RSRP1: variants seen among roughly 807,000 people sequenced by gnomAD.
RSRP1 encodes the protein arginine and serine rich protein 1.
Under a neutral mutation model 33.0 loss-of-function variants are expected in RSRP1, and 37 were observed. That is an observed-to-expected ratio of 1.12 (90% CI 0.86 to 1.48). The LOEUF is 1.48. Among genes scored for constraint, RSRP1 ranks in the 40% most tolerant of loss-of-function variants. The pLI, the probability that RSRP1 is intolerant of heterozygous loss-of-function variation, is 0.00. For missense variants in RSRP1, 402 were observed against 385.3 expected (o/e 1.04, Z -0.36); for synonymous variants, 167 against 158.7 (o/e 1.05, Z -0.40).
intron 1 of RSRP1, chr1:25,294,675 G>C (rs1324371923): frequency 2.9e-6 from 2 of 684,784 alleles, no homozygotes; most frequent in Admixed American, 4.1e-5. Context: ...TCATCTTAAC[G>C]AGAGAAATGG....
rs1344418944 is a variant in RSRP1, at chr1:25,284,895, C to T, written c.-66-37866G>A. The T allele has an allele frequency of 2.6e-5, 28 of 1,066,356 alleles. 1 individual carries two copies. In the East Asian group the frequency reaches 6.4e-4, roughly 24 times the overall value. 66.1% of individuals were successfully genotyped at this position (1,066,356 alleles called of 1,614,324 possible). On this transcript the variant is annotated intron_variant, in intron 1 of 1. Coordinates refer to the RSRP1 transcript ENST00000561867. ...GTGCAATATTTAGGACATCCTTATA[C>T]TAAAAGATTATTCATTGTTTAAAAT...
At chr1:25,251,892 A>G (rs928586388), upstream of RSRP1, among the ~76,000 whole-genome samples, 1 of 141,186 alleles carries the variant, frequency 7.1e-6, no homozygotes, top group African/African-American at 2.6e-5. Context: ...CCACATATAG[A>G]TTTTTTTTTT....
At chr1:25,285,234 A>G (rs1641869789) in intron 1 of RSRP1, among the ~76,000 whole-genome samples, 2 of 132,382 alleles carry the variant, frequency 1.5e-5, no homozygotes, top group Non-Finnish European at 3.5e-5. Context: ...TTCTGGGTTC[A>G]AGCGATTCTC....
intron 1 of RSRP1, among the ~76,000 whole-genome samples, chr1:25,261,315 G>A (rs1485423246): frequency 6.6e-6 from 1 of 152,112 alleles, no homozygotes; most frequent in Non-Finnish European, 1.5e-5. Flanking sequence ...CGTGATTACT[G>A]TCCTTATGCA....
intron 1 of RSRP1, among the ~76,000 whole-genome samples, chr1:25,257,864 G>C (rs1639995346): frequency 6.6e-6 from 1 of 152,038 alleles, no homozygotes; most frequent in East Asian, 1.9e-4. Context: ...GCCCACCTCA[G>C]TCTCCCAAAG....
intron 1 of RSRP1, among the ~76,000 whole-genome samples, chr1:25,313,815 C>T (rs1465998681): frequency 7.5e-6 from 1 of 132,548 alleles, no homozygotes; most frequent in African/African-American, 2.6e-5. Flanking sequence ...TATGAGTTTC[C>T]TATGCCTGAG....
chr1:25,291,205 A>G lies in RSRP1; in HGVS notation c.-66-44176T>C, dbSNP rs1642476130. 2.3e-5 allele frequency among the ~76,000 whole-genome samples: 3 copies of G among 129,218 alleles called. 1 individual carries two copies. The South Asian group carries it at 7.1e-4, about 31-fold the overall frequency. 84.8% of individuals were successfully genotyped at this position (129,218 alleles called of 152,430 possible). On this transcript the variant is annotated intron_variant, in intron 1 of 1. Transcript: ENST00000561867. ...ACAGACAGGCTGGGTACAGTGGCTC[A>G]CACCTGTAATCCCAGCACTTTGGGA...
chr1:25,320,900 T>C (rs1644661812), intron 1 of RSRP1, among the ~76,000 whole-genome samples: 1 of 130,282 alleles, frequency 7.7e-6, no homozygotes. Context: ...AAAACTGAGC[T>C]GGATATGGTA....
intron 1 of RSRP1, chr1:25,254,075 G>A (rs983791064): frequency 1.3e-5 from 2 of 152,326 alleles, no homozygotes; most frequent in African/African-American, 4.8e-5. Flanking sequence ...CACCAGTAAA[G>A]CATTCAAGGC....
chr1:25,246,774 A>G lies in RSRP1; in HGVS notation c.190T>C (p.Ser64Pro). The change falls in exon 2 of 5, where the codon TCC becomes CCC. Residue 64 changes from serine to proline, a missense_variant. Ser to Pro is a moderately conservative substitution (Grantham distance 74). Transcript: ENST00000243189. ...SSRSRRSKSR[S>P]RSRRRHQRKY... ...CGCTGGTGGCGCCTTCGGGAACGGG[A>G]CCTGGACTTGCTCCTCCGACTCCTG... 6.2e-7 allele frequency: 1 copy of G among 1,612,892 alleles called. No individual in the cohort carries two copies. Among genetic ancestry groups the G allele is most frequent in the Non-Finnish European group, 8.5e-7 (1 of 1,179,372 alleles).
chr1:25,244,027 G>A, intron 3 of RSRP1: 1 of 1,188,836 alleles, frequency 8.4e-7, no homozygotes, highest in South Asian at 1.6e-5. Flanking sequence ...CCCACATCTG[G>A]GCCCAATTAC....
intron 1 of RSRP1, among the ~76,000 whole-genome samples, chr1:25,313,011 TG>T (rs1644251961): frequency 8.8e-6 from 1 of 113,770 alleles, no homozygotes; most frequent in South Asian, 3.0e-4. Flanking sequence ...TTTTGGGGGC[TG>T]GGGCAGGATG....
intron 1 of RSRP1, among the ~76,000 whole-genome samples, chr1:25,289,522 A>G (rs1258447950): frequency 2.3e-5 from 3 of 131,346 alleles, no homozygotes; most frequent in Non-Finnish European, 5.4e-5. Flanking sequence ...AAAAGAGGTG[A>G]TGCTGTTACA....
At chr1:25,260,200 T>C (rs1316918880) in intron 1 of RSRP1, among the ~76,000 whole-genome samples, 2 of 152,360 alleles carry the variant, frequency 1.3e-5, no homozygotes, top group South Asian at 2.1e-4. Context: ...ATGGGGAATC[T>C]TGTTTTGCCA....
upstream of RSRP1, among the ~76,000 whole-genome samples, chr1:25,250,919 G>A (rs555180326): frequency 6.6e-6 from 1 of 152,144 alleles, no homozygotes; most frequent in Non-Finnish European, 1.5e-5. Flanking sequence ...TGAGGCAAGA[G>A]AATCACTTGA....
In RSRP1 at chr1:25,242,273, TA is replaced by T. The variant is rs1199059642; in HGVS notation, c.*315del. 5.9e-6 allele frequency: 1 copy of T among 168,812 alleles called. No homozygotes were observed. Among genetic ancestry groups the T allele is most frequent in the Non-Finnish European group, 1.3e-5 (1 of 78,896 alleles). The allele number at this position is 168,812 out of a possible 1,614,324, so 10.5% of individuals were successfully genotyped here. On this transcript the variant is annotated 3_prime_UTR_variant, in exon 5 of 5. Transcript: ENST00000243189. The stretch of plus-strand genomic sequence containing the variant: ...CTAAGAATGAAAACAAGAAATTTAT[TA>T]AATATACAAAACAGGAATACAGTTC...
At position 25,311,993 on chromosome 1, in the gene RSRP1, T is replaced by C. The variant is rs540566388; in HGVS notation, c.-67+25985A>G. 2.5e-5 allele frequency among the ~76,000 whole-genome samples: 3 copies of C among 121,476 alleles called. 1 individual carries two copies. The highest frequency in any genetic ancestry group is 2.0e-4 in the East Asian group (1 of 4,990). 79.7% of individuals were successfully genotyped at this position (121,476 alleles called of 152,430 possible). A position where few individuals can be genotyped will look rare whatever the true frequency, so the allele number is the denominator to read the frequency against. On this transcript the variant is annotated intron_variant, in intron 1 of 1. Transcript: ENST00000561867. ...GGCCACCGCCAAGACCCCAGAATGG[T>C]AGAGCTATCATAGTGCAATGCCAGC...
chr1:25,287,065 C>T (rs1296007710), intron 1 of RSRP1, among the ~76,000 whole-genome samples: 4 of 135,160 alleles, frequency 3.0e-5, no homozygotes, highest in African/African-American at 5.1e-5. Context: ...TGCACTGTAG[C>T]CTGGGCGACA....
At chr1:25,336,968 C>T (rs2986162) in intron 1 of RSRP1, 12 of 152,264 alleles carry the variant, frequency 7.9e-5, no homozygotes, top group Admixed American at 2.0e-4. Flanking sequence ...GGTTCCCATC[C>T]CACTCATATA....
Sources: allele counts gnomAD v4.1 joint callset (sites outside exome capture counted in the v4.1 genomes callset), GRCh38; gene constraint gnomAD v4.1.1; transcripts MANE v1.5; gene names NCBI Gene and HGNC (gene_info 2026-07-23, HGNC 2026-07-21).